FRYL: variants seen among roughly 807,000 people sequenced by gnomAD.
FRYL encodes FRY like transcription coactivator.
In FRYL, 150 loss-of-function variants were observed where a neutral mutation model predicts 351.2. The ratio of observed to expected loss-of-function variants is 0.43; its 90% confidence interval spans 0.37 to 0.49. The LOEUF (loss-of-function observed/expected upper bound fraction) is 0.49. Among genes scored for constraint, FRYL ranks in the 20% least tolerant of loss-of-function variants. FRYL has a pLI of 0.00. For missense variants in FRYL, 3,036 were observed against 3,619.3 expected, an observed-to-expected ratio of 0.84 and a Z score of 4.13; for synonymous variants, 1,153 against 1,257.1, an observed-to-expected ratio of 0.92 and a Z score of 1.75.
intron 2 of FRYL, among the ~76,000 whole-genome samples, chr4:48,692,134 G>A (rs1469822016): frequency 6.6e-6 from 1 of 152,118 alleles, no homozygotes; most frequent in East Asian, 1.9e-4. Context: ...ATTCATGCAG[G>A]GAGGCAACAG....
intron 1 of FRYL, among the ~76,000 whole-genome samples, chr4:48,779,769 G>T (rs1339075713): frequency 6.6e-6 from 1 of 151,912 alleles, no homozygotes; most frequent in Non-Finnish European, 1.5e-5. Flanking sequence ...TGGAGGGGAA[G>T]GGGACGTGCG....
intron 3 of FRYL, among the ~76,000 whole-genome samples, chr4:48,671,884 A>AAAAAC (rs1560832655): frequency 4.0e-5 from 6 of 149,016 alleles, no homozygotes; most frequent in Non-Finnish European, 8.9e-5. Context: ...AAAAAAAAAA[A>AAAAAC]AAAAAAAGAA....
intron 3 of FRYL, among the ~76,000 whole-genome samples, chr4:48,668,586 G>A (rs1429397210): frequency 6.6e-6 from 1 of 152,156 alleles, no homozygotes; most frequent in African/African-American, 2.4e-5. Context: ...TTTAACAAAG[G>A]TTTACTAACT....
chr4:48,544,117 A>G, intron 43 of FRYL, 120 bp from the exon 44 acceptor site: 1 of 767,962 alleles, frequency 1.3e-6, no homozygotes. Context: ...CTCACATTTT[A>G]TAAGTCAATG....
At chr4:48,696,427 A>C (rs1286994660) in intron 2 of FRYL, among the ~76,000 whole-genome samples, 2 of 152,226 alleles carry the variant, frequency 1.3e-5, no homozygotes, top group Non-Finnish European at 2.9e-5. Context: ...TAACACAAGA[A>C]CAGAAAACCA....
intron 33 of FRYL, among the ~76,000 whole-genome samples, chr4:48,558,479 A>T (rs1734635801): frequency 6.6e-6 from 1 of 152,240 alleles, no homozygotes; most frequent in South Asian, 2.1e-4. Flanking sequence ...TAGACTTTTC[A>T]GTTCTGCAGG....
chr4:48,740,514 C>T (rs1234052459), intron 1 of FRYL, among the ~76,000 whole-genome samples: 2 of 151,930 alleles, frequency 1.3e-5, no homozygotes, highest in South Asian at 2.1e-4. Context: ...AGGCTGGTCT[C>T]GAACTCCTGA....
intron 4 of FRYL, among the ~76,000 whole-genome samples, chr4:48,627,833 A>G (rs918995446): frequency 2.0e-5 from 3 of 152,188 alleles, no homozygotes; most frequent in African/African-American, 4.8e-5. Flanking sequence ...GTGCAATGGC[A>G]TGATCTCAGC....
At chr4:48,541,580 T>C (rs888483906) in intron 45 of FRYL, among the ~76,000 whole-genome samples, 2 of 152,212 alleles carry the variant, frequency 1.3e-5, no homozygotes, top group African/African-American at 4.8e-5. Flanking sequence ...TAATTAGCAC[T>C]ACCCTGAAGG....
chr4:48,594,757 T>C (rs1325416015), intron 15 of FRYL, among the ~76,000 whole-genome samples: 3 of 152,220 alleles, frequency 2.0e-5, no homozygotes, highest in Non-Finnish European at 2.9e-5. Context: ...GCAATCAATA[T>C]TCTGGAATCA....
At chr4:48,645,172 A>G (rs1271153940) in intron 3 of FRYL, among the ~76,000 whole-genome samples, 7 of 142,998 alleles carry the variant, frequency 4.9e-5, no homozygotes, top group African/African-American at 1.8e-4. Flanking sequence ...GGCAAATACT[A>G]AAAAGAATGC....
chr4:48,687,928 G>A (rs1339163302), intron 2 of FRYL, among the ~76,000 whole-genome samples: 2 of 152,042 alleles, frequency 1.3e-5, no homozygotes, highest in African/African-American at 4.8e-5. Context: ...AAAGATTGGG[G>A]TCCCTGCTCC....
Position 48,780,127 on chromosome 4 carries a change from C to T in FRYL, c.-433G>A, listed in dbSNP as rs1463490823. On this transcript the variant is annotated 5_prime_UTR_variant, in exon 1 of 64. Transcript: ENST00000358350. ...CCTCGCTCCTCCAGCGCCGCCGGTC[C>T]CCGCCCTCGGGCCCCTGGCTCCGTT... 3.2e-5 allele frequency: 5 copies of T among 155,114 alleles called. No homozygotes were observed. The highest frequency in any genetic ancestry group is 7.1e-5 in the Non-Finnish European group (5 of 70,164). 9.6% of individuals were successfully genotyped at this position (155,114 alleles called of 1,614,324 possible). A position where few individuals can be genotyped will look rare whatever the true frequency, so the allele number is the denominator to read the frequency against.
rs1553957664 is a variant in FRYL at position 48,632,108 on chromosome 4, A to ATATATG, written c.120+2182_120+2183insCATATA. Among the ~76,000 whole-genome samples, 86 of 64,372 alleles carry ATATATG rather than the reference A, an allele frequency of 1.3e-3. 1 individual carries two copies. Among genetic ancestry groups the ATATATG allele is most frequent in the Non-Finnish European group, 2.2e-3 (64 of 29,474 alleles). 42.2% of individuals were successfully genotyped at this position (64,372 alleles called of 152,430 possible). On this transcript the variant is annotated intron_variant, in intron 4 of 63. Transcript: ENST00000358350. ...AAAAAAAAAATATATATATATATAT[A>ATATATG]TATATATATATATATATATATGCGC...
chr4:48,531,444 T>C, intron 49 of FRYL, 91 bp from the exon 50 acceptor site: 1 of 756,226 alleles, frequency 1.3e-6, no homozygotes. Flanking sequence ...ATATTATTTC[T>C]ACAAAAATAC....
At chr4:48,659,421 A>AGAG (rs1321153688) in intron 3 of FRYL, among the ~76,000 whole-genome samples, 67 of 1,280 alleles carry the variant, frequency 0.052, no homozygotes, top group Middle Eastern at 0.25. Context: ...GAGAAGGAGA[A>AGAG]GGAGAAGAGG....
In FRYL at chr4:48,499,552, T is replaced by G; in HGVS notation, c.8912A>C (p.Asp2971Ala). The G allele has an allele frequency of 1.2e-6, 2 of 1,614,122 alleles. No homozygotes were observed. Among genetic ancestry groups the G allele is most frequent in the Non-Finnish European group, 1.7e-6 (2 of 1,180,012 alleles). Residue 2971 changes from aspartate (D) to alanine (A), a missense_variant, in exon 64 of 64, where the codon GAC becomes GCC. This residue lies in a region of FRYL where 1,987 missense variants were observed against 2,311.7 expected (regional missense o/e 0.86). Transcript: ENST00000358350. The part of the protein sequence containing the change: ...GSFAVIGSNL[D>A]MSEANYKLME... ...CAGTTTGTAGTTGGCTTCTGACATGTCCAGGTTAGAGCCTATAACTGCAAA... is the reference window on the plus strand; with the variant it reads ...CAGTTTGTAGTTGGCTTCTGACATGGCCAGGTTAGAGCCTATAACTGCAAA...
intron 47 of FRYL, 150 bp from the exon 48 acceptor site, chr4:48,535,977 G>GA: frequency 1.7e-6 from 1 of 579,088 alleles, no homozygotes; most frequent in Non-Finnish European, 2.9e-6. Flanking sequence ...AGTGAAACGA[G>GA]AAAAAAAGCA....
At chr4:48,753,686 G>A (rs1375850951) in intron 1 of FRYL, among the ~76,000 whole-genome samples, 1 of 151,986 alleles carries the variant, frequency 6.6e-6, no homozygotes, top group Non-Finnish European at 1.5e-5. Flanking sequence ...TGCTTTTGGT[G>A]TCTTATTTAA....
Sources: allele counts gnomAD v4.1 joint callset (sites outside exome capture counted in the v4.1 genomes callset), GRCh38; gene constraint gnomAD v4.1.1; regional missense constraint gnomAD v4.1.1; transcripts MANE v1.5; gene names NCBI Gene and HGNC (gene_info 2026-07-23, HGNC 2026-07-21).